ZPBP: variants seen among roughly 807,000 people sequenced by gnomAD.
The protein encoded by ZPBP is zona pellucida binding protein, also known as zona pellucida-binding protein 1.
In ZPBP, 26 loss-of-function variants were observed where a neutral mutation model predicts 44.8. The observed-to-expected ratio is 0.58, with a 90% CI of 0.43 to 0.81. The LOEUF is 0.81. ZPBP is among the 30% of genes least tolerant of loss of function. The pLI is 0.00. For synonymous variants in ZPBP, 174 were observed against 153.2 expected (o/e 1.14, Z -1.00); for missense variants, 409 against 434.0 (o/e 0.94, Z 0.51).
chr7:49,920,598 G>A (rs1010343289), intron 1 of ZPBP: 14 of 152,138 alleles, frequency 9.2e-5, no homozygotes, highest in African/African-American at 3.4e-4. Flanking sequence ...CTGCTTGGCC[G>A]AGTTTGCTAT....
chr7:50,024,992 G>A (rs533769926), intron 5 of ZPBP, among the ~76,000 whole-genome samples: 21 of 151,876 alleles, frequency 1.4e-4, no homozygotes, highest in African/African-American at 4.6e-4. Context: ...GTTTTAAAAA[G>A]TCAATTGCTT....
chr7:49,987,577 C>T (rs1797350654), intron 6 of ZPBP, among the ~76,000 whole-genome samples: 1 of 152,128 alleles, frequency 6.6e-6, no homozygotes, highest in South Asian at 2.1e-4. Flanking sequence ...GTTTATTAGG[C>T]CCTGGAAACT....
intron 1 of ZPBP, among the ~76,000 whole-genome samples, chr7:50,091,048 A>G (rs1424711137): frequency 6.6e-6 from 1 of 151,450 alleles, no homozygotes; most frequent in Non-Finnish European, 1.5e-5. Flanking sequence ...TTTGATTTGC[A>G]TTTCTCTGAT....
intron 7 of ZPBP, among the ~76,000 whole-genome samples, chr7:49,969,852 A>AAG (rs34692963): frequency 0.64 from 78,631 of 123,678 alleles, 21,837 homozygotes; most frequent in Middle Eastern, 0.67. Context: ...GAGAAAGAGA[A>AAG]AGAGAGAGAG....
rs533794833 is a variant in ZPBP at position 50,018,200 on chromosome 7, T to G, written c.783+40A>C. 5.9e-6 allele frequency: 9 copies of G among 1,515,278 alleles called. No individual in the cohort carries two copies. The East Asian group carries it at 1.8e-4, about 30-fold the overall frequency. 93.9% of individuals were successfully genotyped at this position (1,515,278 alleles called of 1,614,324 possible). On this transcript the variant is annotated intron_variant, in intron 6 of 7. Coordinates refer to ENST00000046087, the MANE Select transcript of ZPBP (RefSeq NM_007009.3). Reference sequence around the variant, plus strand: ...TTACTTACACATGGGGCATGTTCATTTAACTTTTTTTTTCCTTTTACCAGC... The same window carrying G: ...TTACTTACACATGGGGCATGTTCATGTAACTTTTTTTTTCCTTTTACCAGC...
At chr7:49,948,996 G>T (rs890334796) in intron 7 of ZPBP, among the ~76,000 whole-genome samples, 7 of 152,190 alleles carry the variant, frequency 4.6e-5, no homozygotes, top group East Asian at 1.9e-4. Flanking sequence ...TGGAGATAAG[G>T]CCCCTAAGGA....
chr7:49,945,371 T>C (rs553917116), intron 7 of ZPBP, among the ~76,000 whole-genome samples: 47 of 152,258 alleles, frequency 3.1e-4, no homozygotes, highest in Non-Finnish European at 5.9e-4. Flanking sequence ...ATTTGTTGTA[T>C]AGTAGAGATT....
At chr7:49,969,067 T>C (rs948907050) in intron 7 of ZPBP, among the ~76,000 whole-genome samples, 13 of 151,570 alleles carry the variant, frequency 8.6e-5, no homozygotes, top group African/African-American at 3.1e-4. Flanking sequence ...AGAGACCTGA[T>C]GGAAAAATTA....
intron 7 of ZPBP, chr7:49,943,924 C>A: frequency 3.1e-6 from 1 of 322,524 alleles, no homozygotes; most frequent in Non-Finnish European, 6.0e-6. Flanking sequence ...ACTGGTCTAG[C>A]TCTCAGTGGA....
chr7:50,036,835 C>T (rs1799851863), intron 4 of ZPBP, among the ~76,000 whole-genome samples: 1 of 151,426 alleles, frequency 6.6e-6, no homozygotes, highest in Non-Finnish European at 1.5e-5. Flanking sequence ...AAGGTTAACA[C>T]AAGAAAGGAA....
chr7:49,895,239 C>A (rs796165273), intron 2 of ZPBP, among the ~76,000 whole-genome samples: 8 of 152,262 alleles, frequency 5.3e-5, no homozygotes, highest in African/African-American at 1.9e-4. Context: ...ACAGTTCCCT[C>A]ACATTTGTTT....
intron 6 of ZPBP, among the ~76,000 whole-genome samples, chr7:49,997,932 T>C (rs1045550056): frequency 3.3e-5 from 5 of 152,170 alleles, no homozygotes; most frequent in African/African-American, 1.2e-4. Flanking sequence ...ATTCATTTAT[T>C]TTTGAGACAG....
chr7:49,947,700 C>G (rs905569471), intron 7 of ZPBP, among the ~76,000 whole-genome samples: 4 of 152,214 alleles, frequency 2.6e-5, no homozygotes, highest in African/African-American at 9.6e-5. Context: ...GGCTCATAGT[C>G]ACCACTGCCT....
intron 6 of ZPBP, among the ~76,000 whole-genome samples, chr7:49,991,676 G>A (rs890989732): frequency 3.9e-5 from 6 of 152,068 alleles, no homozygotes; most frequent in African/African-American, 1.2e-4. Context: ...AATTATTAGA[G>A]AGGTAAACTG....
At chr7:49,846,101 A>G (rs1789937617), downstream of ZPBP, among the ~76,000 whole-genome samples, 1 of 152,172 alleles carries the variant, frequency 6.6e-6, no homozygotes. Flanking sequence ...ATGATATCAC[A>G]TTGCTTCTTT....
intron 5 of ZPBP, among the ~76,000 whole-genome samples, chr7:50,026,463 G>A (rs537031755): frequency 6.6e-6 from 1 of 151,798 alleles, no homozygotes; most frequent in South Asian, 2.1e-4. Flanking sequence ...CCAACAACAG[G>A]AGAATACACA....
intron 4 of ZPBP, among the ~76,000 whole-genome samples, chr7:50,042,036 A>G (rs958319553): frequency 1.3e-5 from 2 of 152,192 alleles, no homozygotes; most frequent in African/African-American, 4.8e-5. Context: ...ATACACAAGT[A>G]TCAATAGCCA....
At chr7:50,020,774 T>C (rs1446905840) in intron 5 of ZPBP, among the ~76,000 whole-genome samples, 7 of 152,064 alleles carry the variant, frequency 4.6e-5, no homozygotes, top group Admixed American at 4.6e-4. Context: ...AGAATCAACT[T>C]TTGTCAGAAC....
intron 7 of ZPBP, among the ~76,000 whole-genome samples, chr7:49,975,865 T>A (rs1223356229): frequency 3.3e-5 from 5 of 152,204 alleles, no homozygotes; most frequent in African/African-American, 1.2e-4. Context: ...AAATTGATCG[T>A]TTCAGTGAAA....
Sources: allele counts gnomAD v4.1 joint callset (sites outside exome capture counted in the v4.1 genomes callset), GRCh38; gene constraint gnomAD v4.1.1; transcripts MANE v1.5; gene names NCBI Gene and HGNC (gene_info 2026-07-23, HGNC 2026-07-21).